The following GRID2 variants were observed in gnomAD, a reference collection of about 807,000 sequenced individuals.
The protein encoded by GRID2 is glutamate ionotropic receptor delta type subunit 2.
In GRID2, 33 loss-of-function variants were observed where a neutral mutation model predicts 114.8. The observed-to-expected ratio is 0.29, with a 90% CI of 0.22 to 0.38. GRID2 has a LOEUF of 0.38. Ranked by LOEUF, GRID2 falls within the 10% of genes least tolerant of loss-of-function variation. The probability of loss-of-function intolerance (pLI) is 1.00; values close to 1 mark genes in which losing one functional copy is unlikely to be tolerated. For missense variants in GRID2, 1,184 were observed against 1,257.7 expected, an observed-to-expected ratio of 0.94 and a Z score of 0.89; for synonymous variants, 505 against 449.9, an observed-to-expected ratio of 1.12 and a Z score of -1.55.
At chr4:92,357,758 A>T (rs1359252656) in intron 1 of GRID2, among the ~76,000 whole-genome samples, 1 of 151,888 alleles carries the variant, frequency 6.6e-6, no homozygotes, top group Non-Finnish European at 1.5e-5. Flanking sequence ...TCTTTGAGTC[A>T]CAGTATTTTA....
At chr4:93,466,363 G>C (rs944830743) in intron 11 of GRID2, among the ~76,000 whole-genome samples, 4 of 152,176 alleles carry the variant, frequency 2.6e-5, no homozygotes, top group Admixed American at 2.6e-4. Context: ...AAGAATTCAA[G>C]GGCAAGACAG....
intron 4 of GRID2, among the ~76,000 whole-genome samples, chr4:93,190,220 C>A (rs1740854246): frequency 6.6e-6 from 1 of 151,934 alleles, no homozygotes; most frequent in African/African-American, 2.4e-5. Context: ...ACTGTATTGT[C>A]TTTATATAGA....
chr4:93,688,805 T>A (rs1252473148), intron 14 of GRID2, among the ~76,000 whole-genome samples: 1 of 152,080 alleles, frequency 6.6e-6, no homozygotes, highest in Non-Finnish European at 1.5e-5. Flanking sequence ...TAAGGCTAAA[T>A]AACTCACTCA....
intron 2 of GRID2, among the ~76,000 whole-genome samples, chr4:92,834,865 A>C (rs916645342): frequency 2.0e-5 from 3 of 152,066 alleles, no homozygotes; most frequent in Admixed American, 6.6e-5. Context: ...CACGTGCAGA[A>C]TGTTCTGGGA....
rs534511587 is a variant in GRID2 at position 92,989,758 on chromosome 4, T to C, written c.245-95237T>C. Among the ~76,000 whole-genome samples, 209 of 152,280 alleles carry C rather than the reference T, an allele frequency of 1.4e-3. 1 individual carries two copies. Among genetic ancestry groups the C allele is most frequent in the African/African-American group, 4.8e-3 (201 of 41,568 alleles). Reference sequence around the variant, plus strand: ...ACCTGTTAACAATTGAGCCAAAATCTTTCACACAATTCATCATAATTTATC... The same window carrying C: ...ACCTGTTAACAATTGAGCCAAAATCCTTCACACAATTCATCATAATTTATC... On this transcript the variant is annotated intron_variant, in intron 2 of 15. Coordinates refer to ENST00000282020, the MANE Select transcript of GRID2 (RefSeq NM_001510.4).
At chr4:92,425,410 T>G (rs1732108655) in intron 1 of GRID2, among the ~76,000 whole-genome samples, 1 of 151,988 alleles carries the variant, frequency 6.6e-6, no homozygotes, top group Non-Finnish European at 1.5e-5. Context: ...AGAAAACAAG[T>G]GTTAGCTAGC....
chr4:92,889,617 G>A (rs1269449179), intron 2 of GRID2, among the ~76,000 whole-genome samples: 1 of 152,106 alleles, frequency 6.6e-6, no homozygotes, highest in Admixed American at 6.6e-5. Flanking sequence ...GGAAATGAGA[G>A]GACGCAAACA....
chr4:93,340,817 TAA>T (rs1337827482), intron 8 of GRID2, among the ~76,000 whole-genome samples: 1 of 152,134 alleles, frequency 6.6e-6, no homozygotes, highest in Non-Finnish European at 1.5e-5. Context: ...AATTGAATGG[TAA>T]ATACCTGGCA....
At chr4:93,568,679 C>T (rs1392919156) in intron 13 of GRID2, among the ~76,000 whole-genome samples, 1 of 152,172 alleles carries the variant, frequency 6.6e-6, no homozygotes, top group African/African-American at 2.4e-5. Flanking sequence ...CAGTTTGCAT[C>T]ATTTCATTTA....
chr4:93,770,016 T>A (rs1332057396), intron 15 of GRID2, among the ~76,000 whole-genome samples: 2 of 152,198 alleles, frequency 1.3e-5, no homozygotes, highest in Non-Finnish European at 2.9e-5. Context: ...ATGTTTCTCC[T>A]TTACTGTGGA....
chr4:93,264,709 G>GATATATATATATATATATATATATAT (rs70942961), intron 8 of GRID2, among the ~76,000 whole-genome samples: 4 of 132,916 alleles, frequency 3.0e-5, no homozygotes, highest in African/African-American at 1.2e-4. Flanking sequence ...AGTTTTGAAT[G>GATATATATATATATATATATATATAT]ATATATATAT....
At chr4:92,602,519 A>C (rs936224950) in intron 2 of GRID2, among the ~76,000 whole-genome samples, 1 of 152,114 alleles carries the variant, frequency 6.6e-6, no homozygotes, top group South Asian at 2.1e-4. Context: ...CATGTTAAAA[A>C]CTCTCAATAA....
intron 4 of GRID2, among the ~76,000 whole-genome samples, chr4:93,189,773 CCACACACACACA>C (rs34137840): frequency 2.4e-4 from 34 of 138,976 alleles, no homozygotes; most frequent in South Asian, 7.3e-4. Flanking sequence ...CCACACCACA[CCACACACACACA>C]CACACACACA....
At chr4:92,429,433 C>T (rs1732327872) in intron 1 of GRID2, among the ~76,000 whole-genome samples, 1 of 152,100 alleles carries the variant, frequency 6.6e-6, no homozygotes, top group South Asian at 2.1e-4. Flanking sequence ...GAACTTAATT[C>T]TCTTTTATGC....
intron 14 of GRID2, among the ~76,000 whole-genome samples, chr4:93,723,729 A>G (rs1729592644): frequency 6.6e-6 from 1 of 152,230 alleles, no homozygotes; most frequent in Non-Finnish European, 1.5e-5. Flanking sequence ...ATAGCAAATA[A>G]TTTATTACCT....
chr4:93,217,306 C>T (rs1744339175), intron 6 of GRID2: 1 of 155,220 alleles, frequency 6.4e-6, no homozygotes, highest in Non-Finnish European at 1.4e-5. Context: ...AGATTGGTCT[C>T]CAGTTTGAAT....
chr4:92,504,388 A>G lies in GRID2; in HGVS notation c.89-85743A>G, dbSNP rs531376779. ...GTGCTACCTAAGCAAGTTGGAAAAT[A>G]GGATTCAGGGTGGTGGTGATAAGGA... is the stretch of plus-strand genomic sequence containing the variant. On this transcript the variant is annotated intron_variant, in intron 1 of 15. Transcript: ENST00000282020. Among the ~76,000 whole-genome samples the G allele has an allele frequency of 2.4e-4, 36 of 152,118 alleles. 2 individuals carry two copies. In the South Asian group the frequency reaches 7.3e-3, roughly 31 times the overall value.
At chr4:92,421,355 T>C (rs1316445725) in intron 1 of GRID2, among the ~76,000 whole-genome samples, 1 of 152,078 alleles carries the variant, frequency 6.6e-6, no homozygotes, top group Non-Finnish European at 1.5e-5. Flanking sequence ...CTTATACAAT[T>C]GTGGGAGGAG....
chr4:92,935,815 C>T (rs1294510841), intron 2 of GRID2, among the ~76,000 whole-genome samples: 3 of 135,620 alleles, frequency 2.2e-5, no homozygotes, highest in African/African-American at 7.9e-5. Flanking sequence ...TGTTCTCACT[C>T]ATAGGTGGGA....
Sources: allele counts gnomAD v4.1 joint callset (sites outside exome capture counted in the v4.1 genomes callset), GRCh38; gene constraint gnomAD v4.1.1; transcripts MANE v1.5; gene names NCBI Gene and HGNC (gene_info 2026-07-23, HGNC 2026-07-21).